The following NLGN1 variants were observed in gnomAD, a reference collection of about 807,000 sequenced individuals.
NLGN1 encodes the protein neuroligin 1, also known as neuroligin-1.
In NLGN1, 12 loss-of-function variants were observed where a neutral mutation model predicts 65.5. The ratio of observed to expected loss-of-function variants is 0.18; its 90% CI spans 0.12 to 0.30. The LOEUF (loss-of-function observed/expected upper bound fraction) is 0.30, where lower values mean the gene tolerates loss of function less well. NLGN1 is among the 10% of genes least tolerant of loss of function. NLGN1 has a pLI of 1.00. For missense variants in NLGN1, 750 were observed against 1,007.1 expected, an observed-to-expected ratio of 0.74 and a Z score of 3.46; for synonymous variants, 350 against 359.5, an observed-to-expected ratio of 0.97 and a Z score of 0.30.
chr3:173,753,560 G>A (rs1249189340), intron 3 of NLGN1, among the ~76,000 whole-genome samples: 1 of 152,010 alleles, frequency 6.6e-6, no homozygotes, highest in Non-Finnish European at 1.5e-5. Flanking sequence ...GTTATGTCTC[G>A]CCTGGATGAA....
At chr3:173,489,291 G>C (rs1157292982) in intron 2 of NLGN1, among the ~76,000 whole-genome samples, 1 of 151,320 alleles carries the variant, frequency 6.6e-6, no homozygotes, top group Non-Finnish European at 1.5e-5. Flanking sequence ...GTGTCCAAGT[G>C]TTCTCATTGT....
intron 4 of NLGN1, among the ~76,000 whole-genome samples, chr3:174,011,789 T>C (rs1404407901): frequency 1.3e-5 from 2 of 152,182 alleles, no homozygotes; most frequent in Non-Finnish European, 2.9e-5. Context: ...AAATTCATAT[T>C]GTTCCAGACA....
At chr3:173,452,270 A>T (rs1721714283) in intron 2 of NLGN1, among the ~76,000 whole-genome samples, 1 of 150,764 alleles carries the variant, frequency 6.6e-6, no homozygotes, top group Non-Finnish European at 1.5e-5. Flanking sequence ...ATCTTGGCTC[A>T]CTGTAAGCTC....
At chr3:173,752,795 A>G (rs1357754569) in intron 3 of NLGN1, among the ~76,000 whole-genome samples, 1 of 151,846 alleles carries the variant, frequency 6.6e-6, no homozygotes, top group Non-Finnish European at 1.5e-5. Context: ...TTCTCCTTCT[A>G]CTTCCCAGTC....
At chr3:173,943,307 C>T (rs1746489916) in intron 4 of NLGN1, among the ~76,000 whole-genome samples, 1 of 151,844 alleles carries the variant, frequency 6.6e-6, no homozygotes, top group Non-Finnish European at 1.5e-5. Flanking sequence ...TTAAATAGGA[C>T]CTTATATATT....
chr3:173,960,854 C>T (rs1286715755), intron 4 of NLGN1, among the ~76,000 whole-genome samples: 1 of 151,564 alleles, frequency 6.6e-6, no homozygotes, highest in Non-Finnish European at 1.5e-5. Flanking sequence ...TAAGATTATT[C>T]ATTTTGCAAG....
At chr3:173,911,113 AAACT>A (rs1178521822) in intron 4 of NLGN1, among the ~76,000 whole-genome samples, 1 of 152,208 alleles carries the variant, frequency 6.6e-6, no homozygotes, top group Non-Finnish European at 1.5e-5. Flanking sequence ...GAAAGAAAAC[AAACT>A]GTTATAATAT....
intron 4 of NLGN1, among the ~76,000 whole-genome samples, chr3:174,073,630 C>G (rs895041699): frequency 6.6e-6 from 1 of 152,144 alleles, no homozygotes; most frequent in Non-Finnish European, 1.5e-5. Flanking sequence ...TAATGAAACT[C>G]TTAATTTACT....
chr3:173,814,298 T>C (rs924712923), intron 4 of NLGN1, among the ~76,000 whole-genome samples: 1 of 152,228 alleles, frequency 6.6e-6, no homozygotes, highest in Non-Finnish European at 1.5e-5. Flanking sequence ...GAGCAATGGA[T>C]GGTTTATTTG....
intron 4 of NLGN1, among the ~76,000 whole-genome samples, chr3:174,223,480 A>C (rs1453407522): frequency 6.6e-6 from 1 of 151,936 alleles, no homozygotes; most frequent in Non-Finnish European, 1.5e-5. Context: ...CTGTTGCTTA[A>C]TATTGGTATT....
At chr3:174,251,999 C>G (rs1417006489) in intron 4 of NLGN1, among the ~76,000 whole-genome samples, 2 of 152,088 alleles carry the variant, frequency 1.3e-5, no homozygotes, top group African/African-American at 4.8e-5. Context: ...TATAACAAAA[C>G]CTTTTTTTCT....
chr3:174,200,160 A>T (rs1199173136), intron 4 of NLGN1, among the ~76,000 whole-genome samples: 1 of 152,198 alleles, frequency 6.6e-6, no homozygotes, highest in Non-Finnish European at 1.5e-5. Flanking sequence ...TGGAAAAATT[A>T]CTTAATCTCC....
At chr3:173,797,760 A>G (rs1714475222) in intron 3 of NLGN1, among the ~76,000 whole-genome samples, 1 of 151,958 alleles carries the variant, frequency 6.6e-6, no homozygotes, top group Non-Finnish European at 1.5e-5. Context: ...ATCCATGGAA[A>G]AACTCTCTGT....
chr3:173,721,157 A>G (rs1156839626), intron 3 of NLGN1, among the ~76,000 whole-genome samples: 1 of 152,232 alleles, frequency 6.6e-6, no homozygotes, highest in Non-Finnish European at 1.5e-5. Flanking sequence ...CAATGAAGCC[A>G]TTATTATGTT....
At chr3:173,544,282 G>GTGTA (rs1464971107) in intron 2 of NLGN1, among the ~76,000 whole-genome samples, 5 of 149,254 alleles carry the variant, frequency 3.3e-5, no homozygotes, top group Non-Finnish European at 1.5e-5. Flanking sequence ...GTGTGTGTGT[G>GTGTA]TGTGTGTGTG....
chr3:174,193,062 A>T (rs1247439998), intron 4 of NLGN1, among the ~76,000 whole-genome samples: 1 of 152,204 alleles, frequency 6.6e-6, no homozygotes, highest in South Asian at 2.1e-4. Context: ...TCCTGTCACT[A>T]AACTACTAAA....
intron 4 of NLGN1, among the ~76,000 whole-genome samples, chr3:173,924,298 A>T (rs1342865947): frequency 6.6e-6 from 1 of 152,150 alleles, no homozygotes; most frequent in Admixed American, 6.6e-5. Context: ...CAAAATTTTA[A>T]GACCTGATAA....
In NLGN1 at chr3:173,675,885, T is replaced by TCA. The variant is rs755774548; in HGVS notation, c.493+70795_493+70796insAC. On this transcript the variant is annotated intron_variant, in intron 3 of 6. Transcript: ENST00000457714. The stretch of plus-strand genomic sequence containing the variant: ...CTCTCTTTGTCTCTCTCTCTCTCTC[T>TCA]CTCACACACACACACACACACACAC... Among the ~76,000 whole-genome samples, 417 of 121,142 alleles carry TCA rather than the reference T, an allele frequency of 3.4e-3. 3 individuals carry two copies. The highest frequency in any genetic ancestry group is 0.013 in the African/African-American group (405 of 30,584). The allele number at this position is 121,142 out of a possible 152,430, so 79.5% of individuals were successfully genotyped here.
chr3:174,212,710 C>T (rs998606383), intron 4 of NLGN1, among the ~76,000 whole-genome samples: 11 of 152,200 alleles, frequency 7.2e-5, no homozygotes, highest in Admixed American at 1.3e-4. Context: ...TGGATTAAAA[C>T]AACACAAAGT....
Sources: allele counts gnomAD v4.1 joint callset (sites outside exome capture counted in the v4.1 genomes callset), GRCh38; gene constraint gnomAD v4.1.1; transcripts MANE v1.5; gene names NCBI Gene and HGNC (gene_info 2026-07-23, HGNC 2026-07-21).